The following BCL2 variants were observed in gnomAD, a reference collection of about 807,000 sequenced individuals.
BCL2 encodes the protein BCL2 apoptosis regulator, also known as apoptosis regulator Bcl-2.
A neutral mutation model predicts 14.2 loss-of-function variants in BCL2; 1 was observed. The observed-to-expected ratio is 0.07, with a 90% CI of 0.02 to 0.33. BCL2 has a LOEUF of 0.33. Ranked by LOEUF, BCL2 falls within the 10% of genes least tolerant of loss-of-function variation. BCL2 has a pLI of 0.99. For synonymous variants in BCL2, 151 were observed against 137.2 expected (o/e 1.10, Z -0.70); for missense variants, 247 against 305.9 (o/e 0.81, Z 1.44).
Position 63,318,462 on chromosome 18 carries a change from T to C in BCL2, c.205A>G (p.Thr69Ala). The C allele has an allele frequency of 6.8e-7, 1 of 1,473,256 alleles. No individual in the cohort carries two copies. Among genetic ancestry groups the C allele is most frequent in the Non-Finnish European group, 8.9e-7 (1 of 1,123,046 alleles). The allele number at this position is 1,473,256 out of a possible 1,614,324, so 91.3% of individuals were successfully genotyped here. The change falls in exon 2 of 3, where the codon ACC becomes GCC. Residue 69 changes from threonine (T) to alanine (A), a missense_variant. Physicochemically the swap from Thr to Ala is moderately conservative, Grantham distance 58. Transcript: ENST00000333681. This position sits in a 1 kb window ranked among gnomAD's most constrained non-coding sequence, Gnocchi z 7.4. ...PAASRDPVARTSPLQTPAAPG... is the reference protein window; with the variant it reads ...PAASRDPVARASPLQTPAAPG... ...GCAGCCGGGGTCTGCAGCGGCGAGGTCCTGGCGACCGGGTCCCGGGATGCG... is the reference window on the plus strand; with the variant it reads ...GCAGCCGGGGTCTGCAGCGGCGAGGCCCTGGCGACCGGGTCCCGGGATGCG...
intron 2 of BCL2, among the ~76,000 whole-genome samples, chr18:63,296,718 C>A (rs1270840491): frequency 6.6e-6 from 1 of 152,196 alleles, no homozygotes; most frequent in Non-Finnish European, 1.5e-5. Context: ...CCCTGCCCAG[C>A]TCAGCAGACT....
intron 2 of BCL2, among the ~76,000 whole-genome samples, chr18:63,185,224 T>C (rs538577730): frequency 2.2e-4 from 33 of 152,256 alleles, no homozygotes; most frequent in African/African-American, 7.9e-4. Context: ...TAGGCCAGAA[T>C]TGGGTGGCAT....
chr18:63,298,956 A>C (rs1912877279), intron 2 of BCL2, among the ~76,000 whole-genome samples: 1 of 152,180 alleles, frequency 6.6e-6, no homozygotes, highest in Admixed American at 6.5e-5. Context: ...TAAGGGCTCC[A>C]AGTACTCCAA....
At chr18:63,292,780 C>T (rs948938901) in intron 2 of BCL2, among the ~76,000 whole-genome samples, 32 of 152,238 alleles carry the variant, frequency 2.1e-4, no homozygotes, top group African/African-American at 7.7e-4. Context: ...ACTCCCACTG[C>T]AGGAAACCCT....
At chr18:63,188,999 G>T (rs1165274453) in intron 2 of BCL2, among the ~76,000 whole-genome samples, 6 of 139,896 alleles carry the variant, frequency 4.3e-5, no homozygotes, top group Non-Finnish European at 6.1e-5. Flanking sequence ...TTTTCCCCAA[G>T]TTTTTTTTTT....
chr18:63,293,851 C>T (rs1483783894), intron 2 of BCL2, among the ~76,000 whole-genome samples: 1 of 152,206 alleles, frequency 6.6e-6, no homozygotes, highest in African/African-American at 2.4e-5. Flanking sequence ...AACACTTCCT[C>T]ACCCGGCTCC....
At chr18:63,274,580 C>T (rs1912097952) in intron 2 of BCL2, among the ~76,000 whole-genome samples, 1 of 152,104 alleles carries the variant, frequency 6.6e-6, no homozygotes, top group Non-Finnish European at 1.5e-5. Flanking sequence ...CCACCATATG[C>T]AGCCGATTTT....
chr18:63,302,432 T>C (rs1333870174), intron 2 of BCL2: 2 of 985,378 alleles, frequency 2.0e-6, no homozygotes, highest in Non-Finnish European at 2.4e-6. Context: ...TAATGAAAGG[T>C]CACTATTGTC....
In BCL2 at chr18:63,258,108, C is replaced by T. The variant is rs117934768; in HGVS notation, c.585+59974G>A. 1.8e-4 allele frequency among the ~76,000 whole-genome samples: 28 copies of T among 152,294 alleles called. 1 individual carries two copies. In the East Asian group the frequency reaches 5.4e-3, roughly 29 times the overall value. Reference sequence around the variant, plus strand: ...GAGGAAAATGCCATGTGAGGAGGGACACACAGGGACACAGAGGGCAAGCTA... The same window carrying T: ...GAGGAAAATGCCATGTGAGGAGGGATACACAGGGACACAGAGGGCAAGCTA... On this transcript the variant is annotated intron_variant, in intron 2 of 2. Coordinates refer to ENST00000333681, the MANE Select transcript of BCL2 (RefSeq NM_000633.3).
At chr18:63,253,611 TTGAGA>T (rs1384978449) in intron 2 of BCL2, among the ~76,000 whole-genome samples, 1 of 152,176 alleles carries the variant, frequency 6.6e-6, no homozygotes, top group Non-Finnish European at 1.5e-5. Flanking sequence ...AGGAAACTAT[TTGAGA>T]TGGCCGTTGG....
At chr18:63,154,080 G>C (rs1914715751) in intron 2 of BCL2, among the ~76,000 whole-genome samples, 1 of 152,086 alleles carries the variant, frequency 6.6e-6, no homozygotes, top group Non-Finnish European at 1.5e-5. Context: ...AGCACAAAGG[G>C]AACTGATTAC....
At position 63,127,113 on chromosome 18, in the gene BCL2, A is replaced by G. The variant is rs774172635; in HGVS notation, c.*1512T>C. The G allele has an allele frequency of 1.2e-4, 27 of 229,008 alleles. No individual in the cohort carries two copies. Among genetic ancestry groups the G allele is most frequent in the Admixed American group, 2.3e-4 (4 of 17,624 alleles). 14.2% of individuals were successfully genotyped at this position (229,008 alleles called of 1,614,324 possible). A position where few individuals can be genotyped will look rare whatever the true frequency, so the allele number is the denominator to read the frequency against. On this transcript the variant is annotated 3_prime_UTR_variant, in exon 3 of 3. Transcript: ENST00000333681. ...AACTTTTTTTTTGTCAGGTTTTCAAATAAAACCAAACTACAGTGACAAGAT... is the reference window on the plus strand; with the variant it reads ...AACTTTTTTTTTGTCAGGTTTTCAAGTAAAACCAAACTACAGTGACAAGAT...
chr18:63,260,269 C>A (rs1911616494), intron 2 of BCL2, among the ~76,000 whole-genome samples: 1 of 152,294 alleles, frequency 6.6e-6, no homozygotes, highest in East Asian at 1.9e-4. Context: ...TGCACATGTA[C>A]ACGCACACAC....
At chr18:63,275,319 G>C (rs1912122732) in intron 2 of BCL2, among the ~76,000 whole-genome samples, 1 of 151,904 alleles carries the variant, frequency 6.6e-6, no homozygotes, top group Non-Finnish European at 1.5e-5. Flanking sequence ...TGTTAAATAA[G>C]GTTAGATTTC....
At chr18:63,246,005 C>T (rs866776253) in intron 2 of BCL2, among the ~76,000 whole-genome samples, 31 of 152,122 alleles carry the variant, frequency 2.0e-4, no homozygotes, top group African/African-American at 7.0e-4. Context: ...GAAAGGTATC[C>T]TTTGTCAATA....
At chr18:63,216,392 A>G (rs1910202960) in intron 2 of BCL2, among the ~76,000 whole-genome samples, 1 of 114,642 alleles carries the variant, frequency 8.7e-6, no homozygotes, top group Admixed American at 1.0e-4. Context: ...GAGGCCTTAA[A>G]TGTTTTCTAA....
At chr18:63,308,026 G>A (rs1297655068) in intron 2 of BCL2, among the ~76,000 whole-genome samples, 1 of 152,208 alleles carries the variant, frequency 6.6e-6, no homozygotes, top group Non-Finnish European at 1.5e-5. Context: ...TCATGCTAAC[G>A]GATGAGGGTT....
intron 2 of BCL2, among the ~76,000 whole-genome samples, chr18:63,259,199 T>C (rs955895722): frequency 1.3e-5 from 2 of 152,176 alleles, no homozygotes; most frequent in African/African-American, 4.8e-5. Flanking sequence ...TGTGGCAAAA[T>C]GTTGCTGTCA....
chr18:63,316,291 G>GTTACCACCTTGGAT (rs1443700111), intron 2 of BCL2: 1 of 152,102 alleles, frequency 6.6e-6, no homozygotes, highest in Non-Finnish European at 1.5e-5. Context: ...ACAGATACCA[G>GTTACCACCTTGGAT]TTACCACCTT....
Sources: allele counts gnomAD v4.1 joint callset (sites outside exome capture counted in the v4.1 genomes callset), GRCh38; gene constraint gnomAD v4.1.1; non-coding constraint Gnocchi (gnomAD v3.1); transcripts MANE v1.5; gene names NCBI Gene and HGNC (gene_info 2026-07-23, HGNC 2026-07-21).